PALS2: variants seen among roughly 807,000 people sequenced by gnomAD.
The protein encoded by PALS2 is protein associated with LIN7 2, MAGUK p55 family member.
Under a neutral mutation model 61.6 loss-of-function variants are expected in PALS2, and 27 were observed. The observed-to-expected ratio is 0.44, with a 90% confidence interval of 0.32 to 0.60. The LOEUF is 0.60. PALS2 is among the 20% of genes least tolerant of loss of function. The pLI is 0.05. For missense variants in PALS2, 554 were observed against 639.4 expected (o/e 0.87, Z 1.44); for synonymous variants, 236 against 218.6 (o/e 1.08, Z -0.70).
chr7:24,638,100 TA>T (rs142007686), intron 2 of PALS2, among the ~76,000 whole-genome samples: 3 of 151,716 alleles, frequency 2.0e-5, no homozygotes, highest in Non-Finnish European at 4.4e-5. Flanking sequence ...TGAAAGCTAA[TA>T]AAAAAAATCT....
chr7:24,619,993 G>T (rs993460724), intron 1 of PALS2: 1 of 152,040 alleles, frequency 6.6e-6, no homozygotes, highest in East Asian at 1.9e-4. Context: ...TACTAGAGTT[G>T]TCTTGTGTTT....
chr7:24,645,033 T>C (rs1234953234), intron 3 of PALS2, among the ~76,000 whole-genome samples: 2 of 152,174 alleles, frequency 1.3e-5, no homozygotes, highest in African/African-American at 4.8e-5. Context: ...TGCTGGATAC[T>C]AGACATTTGT....
rs1333297934 is a variant in PALS2 at position 24,573,772 on chromosome 7, C to CGGT, written c.-3+180_-3+181insGTG. On this transcript the variant is annotated intron_variant, in intron 1 of 11. Transcript: ENST00000222644. This position sits in a 1 kb window ranked among gnomAD's most constrained non-coding sequence, Gnocchi z 5.3. ...AGGGACCGGCAGGCGGCGGCGGCGG[C>CGGT]GCCGCGGTCGGGGAGGCTGCTGGCC... is the stretch of plus-strand genomic sequence containing the variant. Among the ~76,000 whole-genome samples, 3 of 146,810 alleles carry CGGT rather than the reference C, an allele frequency of 2.0e-5. No homozygotes were observed. Among genetic ancestry groups the CGGT allele is most frequent in the Non-Finnish European group, 4.5e-5 (3 of 65,964 alleles).
At chr7:24,641,007 CAAAAAAAAA>C (rs35912373) in intron 2 of PALS2, among the ~76,000 whole-genome samples, 4 of 67,086 alleles carry the variant, frequency 6.0e-5, no homozygotes, top group Middle Eastern at 6.9e-3. Context: ...GACTCCATCT[CAAAAAAAAA>C]AAAAAAAAAA....
intron 1 of PALS2, among the ~76,000 whole-genome samples, chr7:24,581,464 A>G (rs1239967025): frequency 6.6e-6 from 1 of 152,190 alleles, no homozygotes; most frequent in East Asian, 1.9e-4. Context: ...GGGGGAGACT[A>G]TTATTCAGCC....
intron 9 of PALS2, among the ~76,000 whole-genome samples, chr7:24,673,652 T>C (rs1421255841): frequency 2.0e-5 from 3 of 152,142 alleles, no homozygotes; most frequent in Non-Finnish European, 4.4e-5. Flanking sequence ...TTTTCTTTCA[T>C]TTCTGATTTT....
chr7:24,597,144 T>A (rs1450067135), intron 1 of PALS2: 1 of 152,122 alleles, frequency 6.6e-6, no homozygotes, highest in Admixed American at 6.6e-5. Context: ...AAAGGCACCA[T>A]CTTTGGGACT....
intron 1 of PALS2, among the ~76,000 whole-genome samples, chr7:24,600,507 A>T (rs1783681662): frequency 6.6e-6 from 1 of 152,210 alleles, no homozygotes; most frequent in African/African-American, 2.4e-5. Context: ...GTTTGATTGT[A>T]GGTCAATAAT....
intron 1 of PALS2, among the ~76,000 whole-genome samples, chr7:24,592,887 T>TCA (rs141888546): frequency 0.067 from 10,140 of 152,146 alleles, 403 homozygotes; most frequent in African/African-American, 0.11. Flanking sequence ...TGCTGACTGA[T>TCA]CAGGGTGGTG....
At chr7:24,676,965 G>C (rs1787634367) in intron 9 of PALS2, among the ~76,000 whole-genome samples, 1 of 150,932 alleles carries the variant, frequency 6.6e-6, no homozygotes, top group African/African-American at 2.5e-5. Flanking sequence ...ATTACCTTGG[G>C]CAGTATGGCC....
At chr7:24,649,248 A>G (rs1177255828) in intron 3 of PALS2, among the ~76,000 whole-genome samples, 1 of 152,210 alleles carries the variant, frequency 6.6e-6, no homozygotes, top group Non-Finnish European at 1.5e-5. Context: ...AGTAAATAGG[A>G]TTGATGGTAA....
intron 2 of PALS2, among the ~76,000 whole-genome samples, chr7:24,625,713 A>T (rs1437718014): frequency 6.6e-6 from 1 of 152,206 alleles, no homozygotes; most frequent in African/African-American, 2.4e-5. Context: ...TAACAGTTGC[A>T]ATGGTTGGAT....
chr7:24,643,713 C>G (rs1785682241), intron 3 of PALS2, among the ~76,000 whole-genome samples: 1 of 152,086 alleles, frequency 6.6e-6, no homozygotes. Flanking sequence ...AGGCTATTGT[C>G]CTGCAGAATG....
chr7:24,641,653 A>C, intron 2 of PALS2, 63 bp from the exon 3 acceptor site: 1 of 1,378,746 alleles, frequency 7.3e-7, no homozygotes, highest in Non-Finnish European at 9.8e-7. Context: ...AAAAGAAATA[A>C]ACCATGGTCT....
rs150995621 is a variant in PALS2, at chr7:24,684,693, C to T, written c.1447-2745C>T. 7.4e-3 allele frequency among the ~76,000 whole-genome samples: 1,119 copies of T among 152,224 alleles called. 15 individuals carry two copies. The highest frequency in any genetic ancestry group is 0.024 in the African/African-American group (1,007 of 41,530). On this transcript the variant is annotated intron_variant, in intron 11 of 11. Transcript: ENST00000222644. ...TTTTTTGTTTTTAGAAAACATACAT[C>T]ATTAGTTCAATTTGATAGCTTCAAA...
At chr7:24,666,396 A>G (rs1787018399) in intron 8 of PALS2, among the ~76,000 whole-genome samples, 1 of 152,196 alleles carries the variant, frequency 6.6e-6, no homozygotes, top group South Asian at 2.1e-4. Context: ...ATTTTGAAAT[A>G]GTAATTTATG....
intron 1 of PALS2, chr7:24,574,359 G>A (rs1782569485): frequency 6.6e-6 from 1 of 152,282 alleles, no homozygotes; most frequent in Non-Finnish European, 1.5e-5. Flanking sequence ...GTCGATTGAG[G>A]TATCCGACCG....
At chr7:24,660,001 G>T (rs1214949361) in intron 5 of PALS2, among the ~76,000 whole-genome samples, 2 of 152,128 alleles carry the variant, frequency 1.3e-5, no homozygotes, top group East Asian at 3.8e-4. Context: ...TTTGCAGCCT[G>T]GAAACCCTCT....
At chr7:24,657,340 A>G (rs1236180015) in intron 5 of PALS2, among the ~76,000 whole-genome samples, 5 of 152,212 alleles carry the variant, frequency 3.3e-5, no homozygotes, top group Admixed American at 3.3e-4. Context: ...ACATTATATG[A>G]AAGTTCCAAT....
Sources: gnomAD v4.1 joint callset for allele counts (sites outside exome capture counted in the v4.1 genomes callset) on GRCh38, gnomAD v4.1.1 for gene constraint, Gnocchi (gnomAD v3.1) non-coding constraint, MANE v1.5 for transcripts, NCBI Gene and HGNC (gene_info 2026-07-23, HGNC 2026-07-21) for gene names.